RBFOX2: variants seen among roughly 807,000 people sequenced by gnomAD.
RBFOX2 encodes the protein RNA binding fox-1 homolog 2, also known as RNA binding protein fox-1 homolog 2.
In RBFOX2, 10 loss-of-function variants were observed where a neutral mutation model predicts 49.1. The ratio of observed to expected loss-of-function variants is 0.20; its 90% confidence interval spans 0.13 to 0.35. The LOEUF (loss-of-function observed/expected upper bound fraction) is 0.35, where lower values mean the gene tolerates loss of function less well. Among genes scored for constraint, RBFOX2 ranks in the 10% least tolerant of loss-of-function variants. The pLI, the probability that RBFOX2 is intolerant of heterozygous loss-of-function variation, is 1.00. For missense variants in RBFOX2, 323 were observed against 486.9 expected, an observed-to-expected ratio of 0.66 and a Z score of 3.17; for synonymous variants, 183 against 187.4, an observed-to-expected ratio of 0.98 and a Z score of 0.19.
chr22:35,965,046 A>C (rs377420740), upstream of RBFOX2, among the ~76,000 whole-genome samples: 12 of 152,364 alleles, frequency 7.9e-5, no homozygotes, highest in East Asian at 2.1e-3. Flanking sequence ...CCCAAAGAAC[A>C]AATAAATAGA....
chr22:35,826,752 T>A (rs1343251477), intron 1 of RBFOX2, among the ~76,000 whole-genome samples: 1 of 152,218 alleles, frequency 6.6e-6, no homozygotes, highest in Non-Finnish European at 1.5e-5. Context: ...TTTTTTTTCC[T>A]ATACATATAT....
intron 1 of RBFOX2, among the ~76,000 whole-genome samples, chr22:35,910,924 TAATAACATA>T: frequency 6.6e-6 from 1 of 152,318 alleles, no homozygotes; most frequent in Non-Finnish European, 1.5e-5. Context: ...ACTTTACTTT[TAATAACATA>T]AATGAGTTCA....
intron 1 of RBFOX2, among the ~76,000 whole-genome samples, chr22:35,919,489 T>C (rs1214623946): frequency 2.0e-5 from 3 of 150,602 alleles, no homozygotes; most frequent in East Asian, 2.0e-4. Flanking sequence ...GCCGAGATCA[T>C]GCTACTGCAC....
At chr22:35,798,680 A>T (rs1949229163) in intron 2 of RBFOX2, among the ~76,000 whole-genome samples, 2 of 152,162 alleles carry the variant, frequency 1.3e-5, no homozygotes, top group South Asian at 4.1e-4. Flanking sequence ...TTAAGTAGTT[A>T]TTGCCCCTAT....
chr22:35,767,935 C>G (rs1941510385), intron 5 of RBFOX2, among the ~76,000 whole-genome samples: 1 of 151,850 alleles, frequency 6.6e-6, no homozygotes, highest in African/African-American at 2.4e-5. Context: ...GTATTGCAAA[C>G]TGAAGCAAAG....
intron 1 of RBFOX2, among the ~76,000 whole-genome samples, chr22:35,828,201 T>C (rs1052049620): frequency 4.0e-5 from 6 of 150,784 alleles, no homozygotes; most frequent in Non-Finnish European, 5.9e-5. Flanking sequence ...TCTTTTTACC[T>C]GAAACTACTA....
At chr22:35,855,961 T>C (rs1037176899) in intron 1 of RBFOX2, among the ~76,000 whole-genome samples, 32 of 151,616 alleles carry the variant, frequency 2.1e-4, no homozygotes, top group African/African-American at 7.8e-4. Flanking sequence ...GAGCTGAGAT[T>C]GTGCCACTGA....
intron 1 of RBFOX2, among the ~76,000 whole-genome samples, chr22:35,896,473 T>C (rs2047857319): frequency 6.6e-6 from 1 of 152,158 alleles, no homozygotes; most frequent in Non-Finnish European, 1.5e-5. Context: ...CCTTCCTGCT[T>C]ATAAAATCTC....
chr22:35,929,883 T>C (rs539933908), intron 1 of RBFOX2, among the ~76,000 whole-genome samples: 1 of 151,958 alleles, frequency 6.6e-6, no homozygotes, highest in Non-Finnish European at 1.5e-5. Context: ...GCAAAAGAAT[T>C]TGAAAGAATT....
chr22:35,912,722 A>G (rs934729745), intron 1 of RBFOX2, among the ~76,000 whole-genome samples: 1 of 152,198 alleles, frequency 6.6e-6, no homozygotes, highest in Non-Finnish European at 1.5e-5. Flanking sequence ...AAGAAGATAT[A>G]TGGGTTTTCC....
Position 35,887,038 on chromosome 22 carries a change from A to G in RBFOX2, c.-34+51809T>C, listed in dbSNP as rs115400978. ...CTGCTCCTCCAAACGAACAATTTAA[A>G]ATCTACTAAGTATTTACTTACTTGG... On this transcript the variant is annotated intron_variant, in intron 1 of 13. Transcript: ENST00000359369. Among the ~76,000 whole-genome samples, 403 of 152,310 alleles carry G rather than the reference A, an allele frequency of 2.6e-3. 4 individuals are homozygous for G. Among genetic ancestry groups the G allele is most frequent in the African/African-American group, 9.5e-3 (393 of 41,572 alleles).
chr22:35,794,603 AGCCGAGATCAC>A (rs1432346838), intron 2 of RBFOX2, among the ~76,000 whole-genome samples: 2 of 151,948 alleles, frequency 1.3e-5, no homozygotes, highest in Non-Finnish European at 2.9e-5. Flanking sequence ...ACTTACAGTG[AGCCGAGATCAC>A]GCCACTGCAC....
At chr22:36,023,114 C>T (rs906897997) in intron 1 of RBFOX2, among the ~76,000 whole-genome samples, 19 of 151,988 alleles carry the variant, frequency 1.3e-4, no homozygotes, top group African/African-American at 4.6e-4. Context: ...ATGGTAGCAC[C>T]ATGCTTAGTT....
exon 2 of RBFOX2, chr22:35,809,909 C>T (rs1951520582): frequency 2.5e-6 from 4 of 1,613,966 alleles, no homozygotes; most frequent in Admixed American, 1.7e-5. Context: ...GCACCCCATA[C>T]TCTGTGGGAA....
chr22:35,778,010 T>G lies in RBFOX2; in HGVS notation c.453+15A>C. 2 of 1,604,250 alleles carry G rather than the reference T, an allele frequency of 1.2e-6. No homozygotes were observed. The highest frequency in any genetic ancestry group is 1.7e-6 in the Non-Finnish European group (2 of 1,174,048). ...AAAAGAAATCAAGCACACTTGACAC[T>G]GAAATGGAGCTTACCTTAGAGCCAC... On this transcript the variant is annotated intron_variant, in intron 4 of 11. Coordinates refer to ENST00000405409, the Ensembl canonical transcript of RBFOX2.
chr22:35,832,654 G>A (rs946109060), intron 1 of RBFOX2, among the ~76,000 whole-genome samples: 7 of 151,914 alleles, frequency 4.6e-5, no homozygotes, highest in African/African-American at 1.7e-4. Flanking sequence ...CCAACATGGT[G>A]AAACCCTGTC....
chr22:35,815,399 A>G (rs1440969260), intron 1 of RBFOX2, among the ~76,000 whole-genome samples: 1 of 152,212 alleles, frequency 6.6e-6, no homozygotes. Context: ...GACCCAAAAT[A>G]TAATTGTCTT....
chr22:36,008,016 G>A (rs1048119420), intron 1 of RBFOX2, among the ~76,000 whole-genome samples: 1 of 152,086 alleles, frequency 6.6e-6, no homozygotes, highest in South Asian at 2.1e-4. Context: ...AGATGCAAGA[G>A]CATCTGTAGG....
upstream of RBFOX2, among the ~76,000 whole-genome samples, chr22:35,941,443 AG>A (rs2053677961): frequency 6.6e-6 from 1 of 152,180 alleles, no homozygotes; most frequent in South Asian, 2.1e-4. Context: ...AAAGAAGGTA[AG>A]TAACTGGCCC....
Sources: gnomAD v4.1 joint callset for allele counts (sites outside exome capture counted in the v4.1 genomes callset) on GRCh38, gnomAD v4.1.1 for gene constraint, MANE v1.5 for transcripts, NCBI Gene and HGNC (gene_info 2026-07-23, HGNC 2026-07-21) for gene names.